LYPD6: variants seen among roughly 807,000 people sequenced by gnomAD.
LYPD6 encodes the protein LY6/PLAUR domain containing 6.
LYPD6 carries 15 observed loss-of-function variants against 22.7 expected under a neutral mutation model. That is an observed-to-expected ratio of 0.66 (90% confidence interval 0.44 to 1.02). The LOEUF is 1.02. Among genes scored for constraint, LYPD6 ranks in the 50% least tolerant of loss-of-function variants. LYPD6 has a pLI of 0.00. For missense variants in LYPD6, 189 were observed against 208.4 expected (o/e 0.91, Z 0.57); for synonymous variants, 72 against 77.5 (o/e 0.93, Z 0.37).
intron 4 of LYPD6, 88 bp downstream of exon 4, chr2:149,468,863 TC>T: frequency 7.1e-7 from 1 of 1,401,838 alleles, no homozygotes; most frequent in Non-Finnish European, 9.8e-7. Context: ...AGATTCTTAC[TC>T]CCCCGTGAAG....
Position 149,472,564 on chromosome 2 carries a change from A to G in LYPD6, c.*1714A>G, listed in dbSNP as rs1349706469. 1 of 152,676 alleles carries G rather than the reference A, an allele frequency of 6.5e-6. No homozygotes were observed. Among genetic ancestry groups the G allele is most frequent in the Admixed American group, 6.5e-5 (1 of 15,282 alleles). The allele number at this position is 152,676 out of a possible 1,614,324, so 9.5% of individuals were successfully genotyped here. A position where few individuals can be genotyped will look rare whatever the true frequency, so the allele number is the denominator to read the frequency against. ...TCTGATACAGAATAATCTAAATTGCATCAAATGGCCTTAATTCAGAGTTTG... is the reference window on the plus strand; with the variant it reads ...TCTGATACAGAATAATCTAAATTGCGTCAAATGGCCTTAATTCAGAGTTTG... On this transcript the variant is annotated 3_prime_UTR_variant, in exon 5 of 5. Coordinates refer to ENST00000334166, the MANE Select transcript of LYPD6 (RefSeq NM_194317.5).
At chr2:149,407,390 C>G (rs1026785255) in intron 1 of LYPD6, among the ~76,000 whole-genome samples, 1 of 152,222 alleles carries the variant, frequency 6.6e-6, no homozygotes, top group African/African-American at 2.4e-5. Flanking sequence ...TAGATTTGGT[C>G]TTTTCACATA....
At chr2:149,429,960 A>G (rs768039492) in intron 1 of LYPD6, among the ~76,000 whole-genome samples, 10 of 152,314 alleles carry the variant, frequency 6.6e-5, no homozygotes, top group East Asian at 1.9e-4. Context: ...ATCATGCTCT[A>G]TGACCTAGCT....
intron 1 of LYPD6, among the ~76,000 whole-genome samples, chr2:149,336,951 G>GTGTGTGTC (rs1559116725): frequency 2.6e-5 from 4 of 152,018 alleles, no homozygotes; most frequent in African/African-American, 7.3e-5. Flanking sequence ...GTGTGTGTGT[G>GTGTGTGTC]TGTGTGTGTT....
chr2:149,401,584 A>G (rs1464618707), intron 1 of LYPD6, among the ~76,000 whole-genome samples: 1 of 151,894 alleles, frequency 6.6e-6, no homozygotes, highest in African/African-American at 2.4e-5. Context: ...CCACATACAC[A>G]TTTTCTATAT....
intron 1 of LYPD6, among the ~76,000 whole-genome samples, chr2:149,408,641 T>A (rs1682783387): frequency 6.6e-6 from 1 of 152,226 alleles, no homozygotes; most frequent in South Asian, 2.1e-4. Context: ...ATTGGGTTAA[T>A]TTGAAAGCCT....
the LYPD6 span, among the ~76,000 whole-genome samples, chr2:149,485,096 G>A: frequency 6.6e-6 from 1 of 152,150 alleles, no homozygotes; most frequent in Non-Finnish European, 1.5e-5. Context: ...GTCATCACGG[G>A]CCCCTCAGCA....
chr2:149,405,877 A>G (rs1682692051), intron 1 of LYPD6, among the ~76,000 whole-genome samples: 1 of 148,412 alleles, frequency 6.7e-6, no homozygotes, highest in African/African-American at 2.6e-5. Flanking sequence ...ATTTAGTGCT[A>G]TAAATTTCCC....
At chr2:149,345,324 T>TTTG (rs1681233548) in intron 1 of LYPD6, among the ~76,000 whole-genome samples, 1 of 150,956 alleles carries the variant, frequency 6.6e-6, no homozygotes, top group Non-Finnish European at 1.5e-5. Context: ...TTTTTTTTTT[T>TTTG]GAGACGGAGC....
At chr2:149,360,092 G>C (rs1299734114) in intron 1 of LYPD6, among the ~76,000 whole-genome samples, 2 of 152,160 alleles carry the variant, frequency 1.3e-5, no homozygotes, top group African/African-American at 4.8e-5. Flanking sequence ...ACCATATAAA[G>C]TAACTTCCTG....
At chr2:149,406,022 G>T (rs1236378993) in intron 1 of LYPD6, among the ~76,000 whole-genome samples, 1 of 150,384 alleles carries the variant, frequency 6.6e-6, no homozygotes, top group Non-Finnish European at 1.5e-5. Context: ...AGGTTGTTCA[G>T]TTTCCATGTA....
intron 3 of LYPD6, among the ~76,000 whole-genome samples, chr2:149,456,754 G>T (rs1680966924): frequency 6.6e-6 from 1 of 152,198 alleles, no homozygotes; most frequent in African/African-American, 2.4e-5. Context: ...CTCCAGGACT[G>T]TGAGAAAACC....
chr2:149,426,371 G>A (rs538891491), intron 1 of LYPD6, among the ~76,000 whole-genome samples: 43 of 152,316 alleles, frequency 2.8e-4, no homozygotes, highest in Admixed American at 3.3e-4. Flanking sequence ...GATTCAGTAT[G>A]AGTTGGTTCT....
chr2:149,483,679 A>G, the LYPD6 span, among the ~76,000 whole-genome samples: 1 of 152,246 alleles, frequency 6.6e-6, no homozygotes, highest in Non-Finnish European at 1.5e-5. Context: ...AGTGATGGAT[A>G]TGGTAAGCAG....
At chr2:149,389,556 G>A (rs962705179) in intron 1 of LYPD6, among the ~76,000 whole-genome samples, 3 of 152,266 alleles carry the variant, frequency 2.0e-5, no homozygotes, top group South Asian at 2.1e-4. Flanking sequence ...GGTTGTCTGC[G>A]TCTTAGCTTA....
At chr2:149,460,042 G>A (rs143107766) in intron 3 of LYPD6, among the ~76,000 whole-genome samples, 75 of 152,048 alleles carry the variant, frequency 4.9e-4, no homozygotes, top group African/African-American at 1.3e-3. Flanking sequence ...AATACCTAGC[G>A]CAACAATTTT....
intron 3 of LYPD6, among the ~76,000 whole-genome samples, chr2:149,453,610 C>T (rs1218101777): frequency 6.6e-6 from 1 of 152,200 alleles, no homozygotes; most frequent in Non-Finnish European, 1.5e-5. Context: ...CTGGACATAT[C>T]CCTTGATGGC....
At chr2:149,386,588 G>A (rs1035732509) in intron 1 of LYPD6, among the ~76,000 whole-genome samples, 5 of 152,186 alleles carry the variant, frequency 3.3e-5, no homozygotes, top group African/African-American at 1.2e-4. Context: ...AAACAAAGAG[G>A]TGGTAAGCAC....
At chr2:149,336,266 G>A (rs943684207) in intron 1 of LYPD6, among the ~76,000 whole-genome samples, 6 of 151,932 alleles carry the variant, frequency 3.9e-5, no homozygotes, top group African/African-American at 1.5e-4. Context: ...CAGTTCTTAC[G>A]GTAAGTAAAA....
Sources: gnomAD v4.1 joint callset for allele counts (sites outside exome capture counted in the v4.1 genomes callset) on GRCh38, gnomAD v4.1.1 for gene constraint, MANE v1.5 for transcripts, NCBI Gene and HGNC (gene_info 2026-07-23, HGNC 2026-07-21) for gene names.